GCNT2: variants seen among roughly 807,000 people sequenced by gnomAD.
GCNT2 encodes glucosaminyl (N-acetyl) transferase 2 (I blood group).
A neutral mutation model predicts 34.2 loss-of-function variants in GCNT2; 34 were observed. The observed-to-expected ratio is 1.00, with a 90% CI of 0.76 to 1.32. GCNT2 has a LOEUF of 1.32. Ranked by LOEUF, GCNT2 falls within the 40% of genes most tolerant of loss-of-function variation. The pLI is 0.00. For synonymous variants in GCNT2, 212 were observed against 188.0 expected (o/e 1.13, Z -1.04); for missense variants, 584 against 489.4 (o/e 1.19, Z -1.82).
chr6:10,547,896 T>C (rs1762334762), intron 3 of GCNT2, among the ~76,000 whole-genome samples: 2 of 152,246 alleles, frequency 1.3e-5, no homozygotes, highest in Admixed American at 6.5e-5. Flanking sequence ...ATTATTCTTT[T>C]TACTTACTTT....
intron 3 of GCNT2, among the ~76,000 whole-genome samples, chr6:10,539,538 TC>T (rs1261572628): frequency 6.6e-6 from 1 of 152,096 alleles, no homozygotes; most frequent in African/African-American, 2.4e-5. Flanking sequence ...TGAGCCTGAT[TC>T]TTCATCTATA....
intron 2 of GCNT2, chr6:10,528,395 C>G (rs1468908218): frequency 5.6e-6 from 1 of 177,664 alleles, no homozygotes; most frequent in Non-Finnish European, 1.2e-5. Flanking sequence ...TAAACTGAAG[C>G]TCGTAGCTTG....
intron 4 of GCNT2, among the ~76,000 whole-genome samples, chr6:10,623,981 A>G (rs1018665771): frequency 6.6e-6 from 1 of 152,060 alleles, no homozygotes; most frequent in African/African-American, 2.4e-5. Context: ...CCTAACCCTA[A>G]TCATTACCAC....
intron 3 of GCNT2, among the ~76,000 whole-genome samples, chr6:10,608,464 G>A (rs889664737): frequency 1.3e-5 from 2 of 152,168 alleles, no homozygotes; most frequent in Admixed American, 1.3e-4. Flanking sequence ...TTGCGGGTTT[G>A]AGGGCTCCAT....
rs1491129469 is a variant in GCNT2, at chr6:10,534,139, C to CTTTTTTTTTTTTTTTTTTTTTTTTTTT, written c.925+4304_925+4305insTTTTTTTTTTTTTTTTTTTTTTTTTTT. On this transcript the variant is annotated intron_variant, in intron 3 of 4. Coordinates refer to ENST00000495262, the MANE Select transcript of GCNT2 (RefSeq NM_145649.5). ...CTGGTATCTGCCAGATTCCATGCTGCTCTTTTTTTTTTTTTTTTTTAAGAT... is the reference window on the plus strand; with the variant it reads ...CTGGTATCTGCCAGATTCCATGCTGCTTTTTTTTTTTTTTTTTTTTTTTTTTTTCTTTTTTTTTTTTTTTTTTAAGAT... 5.0e-3 allele frequency among the ~76,000 whole-genome samples: 620 copies of CTTTTTTTTTTTTTTTTTTTTTTTTTTT among 123,142 alleles called. 145 individuals carry two copies. Among genetic ancestry groups the CTTTTTTTTTTTTTTTTTTTTTTTTTTT allele is most frequent in the Admixed American group, 9.2e-3 (104 of 11,336 alleles). The allele number at this position is 123,142 out of a possible 152,430, so 80.8% of individuals were successfully genotyped here.
intron 3 of GCNT2, among the ~76,000 whole-genome samples, chr6:10,573,582 C>T (rs530727974): frequency 6.6e-6 from 1 of 152,322 alleles, no homozygotes; most frequent in Non-Finnish European, 1.5e-5. Flanking sequence ...CTACTACTGC[C>T]TTTTAAAAAT....
intron 3 of GCNT2, among the ~76,000 whole-genome samples, chr6:10,551,508 C>T (rs552494397): frequency 1.5e-4 from 23 of 150,658 alleles, no homozygotes; most frequent in Middle Eastern, 6.8e-3. Flanking sequence ...TGCAACGGCA[C>T]GATTTCGGCT....
intron 3 of GCNT2, among the ~76,000 whole-genome samples, chr6:10,560,092 T>G (rs1762903225): frequency 6.6e-6 from 1 of 152,180 alleles, no homozygotes; most frequent in Non-Finnish European, 1.5e-5. Context: ...CAATATCAGC[T>G]CTTCTATTTT....
chr6:10,560,804 C>T (rs1762942410), intron 3 of GCNT2, among the ~76,000 whole-genome samples: 1 of 151,984 alleles, frequency 6.6e-6, no homozygotes, highest in African/African-American at 2.4e-5. Flanking sequence ...CCACTAGGCT[C>T]TCTCTACACT....
chr6:10,579,842 A>AAAAC (rs1561814509), intron 3 of GCNT2, among the ~76,000 whole-genome samples: 4 of 136,266 alleles, frequency 2.9e-5, no homozygotes, highest in African/African-American at 1.3e-4. Context: ...AAAAAAAAAA[A>AAAAC]AAAAAACAAG....
intron 4 of GCNT2, among the ~76,000 whole-genome samples, chr6:10,622,552 C>T (rs1766079157): frequency 6.6e-6 from 1 of 152,012 alleles, no homozygotes; most frequent in Non-Finnish European, 1.5e-5. Flanking sequence ...CCTGTCTCCA[C>T]TCTGAGACAC....
intron 4 of GCNT2, among the ~76,000 whole-genome samples, chr6:10,624,840 C>G (rs2127447106): frequency 6.6e-6 from 1 of 152,112 alleles, no homozygotes; most frequent in Non-Finnish European, 1.5e-5. Context: ...GACCCTTGCT[C>G]TTTTGCATTC....
intron 3 of GCNT2, among the ~76,000 whole-genome samples, chr6:10,582,426 CT>C (rs1305990158): frequency 5.9e-5 from 7 of 118,332 alleles, no homozygotes; most frequent in African/African-American, 2.4e-4. Context: ...TTATTATATA[CT>C]ATAATTTAAT....
intron 3 of GCNT2, among the ~76,000 whole-genome samples, chr6:10,614,625 C>CA (rs34015959): frequency 0.033 from 3,479 of 105,762 alleles, 107 homozygotes; most frequent in African/African-American, 0.095. Flanking sequence ...GACTCTGTCT[C>CA]AAAAAAAAAA....
rs373886978 is a variant in GCNT2 at position 10,529,640 on chromosome 6, C to T, written c.729C>T (p.Tyr243=). 216 of 1,613,990 alleles carry T rather than the reference C, an allele frequency of 1.3e-4. No homozygotes were observed. Among genetic ancestry groups the T allele is most frequent in the African/African-American group, 5.7e-4 (43 of 74,920 alleles). Residue 243 remains tyrosine, a synonymous_variant, in exon 3 of 5, where the codon TAC becomes TAT. Transcript: ENST00000495262. The part of the protein sequence containing the change: ...HQELLNHKNS[Y]VIKTTKLKTP... ...AACTGTTAAACCACAAAAATTCCTA[C>T]GTGATTAAAACAACAAAATTAAAAA... is the stretch of plus-strand genomic sequence containing the variant.
At chr6:10,620,291 T>C (rs1270440351) in intron 3 of GCNT2, among the ~76,000 whole-genome samples, 1 of 152,234 alleles carries the variant, frequency 6.6e-6, no homozygotes, top group Non-Finnish European at 1.5e-5. Context: ...ACAGTGCCAT[T>C]GCATCAAAAT....
chr6:10,581,904 G>C (rs1334754074), intron 3 of GCNT2: 1 of 979,846 alleles, frequency 1.0e-6, no homozygotes, highest in Non-Finnish European at 1.2e-6. Flanking sequence ...TTATTGGATT[G>C]TTCCCTTCAT....
chr6:10,529,977 G>T lies in GCNT2; in HGVS notation c.925+141G>T, dbSNP rs561888804. 3.6e-4 allele frequency: 248 copies of T among 682,554 alleles called. 3 individuals carry two copies. The African/African-American group carries it at 4.2e-3, about 11-fold the overall frequency. 42.3% of individuals were successfully genotyped at this position (682,554 alleles called of 1,614,324 possible). ...TCAAATTAAAAAAAAAATTTCATCTGTAAAATGGTAAAATGGAGATGTGTT... is the reference window on the plus strand; with the variant it reads ...TCAAATTAAAAAAAAAATTTCATCTTTAAAATGGTAAAATGGAGATGTGTT... On this transcript the variant is annotated intron_variant, in intron 3 of 4. Coordinates refer to ENST00000495262, the MANE Select transcript of GCNT2 (RefSeq NM_145649.5).
intron 3 of GCNT2, among the ~76,000 whole-genome samples, chr6:10,537,741 C>T (rs1027565180): frequency 9.9e-5 from 11 of 111,422 alleles, no homozygotes; most frequent in South Asian, 2.6e-4. Context: ...ACAAAGAAAA[C>T]GAAAGAAAAT....
Sources: gnomAD v4.1 joint callset for allele counts (sites outside exome capture counted in the v4.1 genomes callset) on GRCh38, gnomAD v4.1.1 for gene constraint, MANE v1.5 for transcripts, NCBI Gene and HGNC (gene_info 2026-07-23, HGNC 2026-07-21) for gene names.